Variants in CLASP1 observed in about 807,000 individuals in gnomAD.
The protein encoded by CLASP1 is CLIP-associating protein 1.
CLASP1 carries 38 observed loss-of-function variants against 192.3 expected under a neutral mutation model. The observed-to-expected ratio is 0.20, with a 90% CI of 0.15 to 0.26. CLASP1 has a LOEUF of 0.26. CLASP1 is among the 10% of genes least tolerant of loss of function. CLASP1 has a pLI of 1.00. For synonymous variants in CLASP1, 691 were observed against 712.8 expected, an observed-to-expected ratio of 0.97 and a Z score of 0.49; for missense variants, 1,433 against 1,932.5, an observed-to-expected ratio of 0.74 and a Z score of 4.85.
chr2:121,609,415 T>A (rs995421471), intron 1 of CLASP1, among the ~76,000 whole-genome samples: 4 of 152,208 alleles, frequency 2.6e-5, no homozygotes, highest in African/African-American at 9.6e-5. Context: ...CCCCTAGGCT[T>A]TAAGCAGATT....
chr2:121,490,263 A>T (rs1405167149), intron 8 of CLASP1: 1 of 454,232 alleles, frequency 2.2e-6, no homozygotes, highest in African/African-American at 2.0e-5. Flanking sequence ...AATATATTAG[A>T]ATAGCCTACC....
chr2:121,349,214 T>C (rs1382968424), intron 37 of CLASP1, among the ~76,000 whole-genome samples: 3 of 151,072 alleles, frequency 2.0e-5, no homozygotes, highest in Non-Finnish European at 4.4e-5. Flanking sequence ...CACTCCAGCC[T>C]GGGTGACAGT....
intron 2 of CLASP1, among the ~76,000 whole-genome samples, chr2:121,543,855 A>C (rs1193943685): frequency 1.3e-5 from 2 of 152,210 alleles, no homozygotes; most frequent in Non-Finnish European, 2.9e-5. Context: ...CAGTAAAAAA[A>C]AAGTAGGGGG....
intron 7 of CLASP1, among the ~76,000 whole-genome samples, chr2:121,513,427 ATTTTATTT>A (rs2094198537): frequency 6.6e-6 from 1 of 151,412 alleles, no homozygotes; most frequent in South Asian, 2.1e-4. Flanking sequence ...CGCCTTTTTT[ATTTTATTT>A]TTTTTTTTTA....
chr2:121,632,184 C>T (rs1213785605), intron 1 of CLASP1, among the ~76,000 whole-genome samples: 1 of 152,158 alleles, frequency 6.6e-6, no homozygotes, highest in African/African-American at 2.4e-5. Context: ...GCAGAGGTTG[C>T]AGTGAGCTGA....
At chr2:121,379,260 A>AAAGTTC (rs1574054360) in intron 33 of CLASP1, among the ~76,000 whole-genome samples, 1 of 152,218 alleles carries the variant, frequency 6.6e-6, no homozygotes, top group East Asian at 1.9e-4. Flanking sequence ...TTGAGCATCA[A>AAAGTTC]ACAAAAAGAA....
At chr2:121,522,055 T>G (rs1045258464) in intron 6 of CLASP1, among the ~76,000 whole-genome samples, 2 of 152,120 alleles carry the variant, frequency 1.3e-5, no homozygotes, top group African/African-American at 4.8e-5. Context: ...TTAACTTGGT[T>G]AGTATCGGGG....
chr2:121,562,604 C>A (rs539357870), intron 2 of CLASP1, among the ~76,000 whole-genome samples: 19 of 152,318 alleles, frequency 1.2e-4, no homozygotes, highest in Non-Finnish European at 2.2e-4. Flanking sequence ...TCAGACAAAT[C>A]TCTATTCTAG....
intron 2 of CLASP1, among the ~76,000 whole-genome samples, chr2:121,581,711 C>T (rs2061191077): frequency 6.6e-6 from 1 of 151,968 alleles, no homozygotes; most frequent in Non-Finnish European, 1.5e-5. Context: ...ATGGTGAGAC[C>T]CCATCTCTAA....
At position 121,639,822 on chromosome 2, in the gene CLASP1, C is replaced by G. The variant is rs186223431; in HGVS notation, c.-286+9550G>C. On this transcript the variant is annotated intron_variant, in intron 1 of 39. Transcript: ENST00000263710. ...AGGTTGCAGTAAGCCAAGATTGCACCATGGCACTTCAGCCTGGGCAACAAG... is the reference window on the plus strand; with the variant it reads ...AGGTTGCAGTAAGCCAAGATTGCACGATGGCACTTCAGCCTGGGCAACAAG... Among the ~76,000 whole-genome samples the G allele has an allele frequency of 4.8e-5, 7 of 145,250 alleles. No homozygotes were observed. In the Admixed American group the frequency reaches 4.9e-4, roughly 10 times the overall value.
intron 2 of CLASP1, among the ~76,000 whole-genome samples, chr2:121,578,545 C>T (rs891653202): frequency 6.6e-5 from 10 of 150,848 alleles, no homozygotes; most frequent in African/African-American, 1.9e-4. Flanking sequence ...CTGGCCAACA[C>T]GGTGAAACCC....
chr2:121,515,811 C>CA (rs1559490137), intron 6 of CLASP1, 49 bp from the exon 7 acceptor site: 2 of 1,533,584 alleles, frequency 1.3e-6, no homozygotes. Flanking sequence ...CATCCCCCAG[C>CA]AAGTCCTGCT....
At chr2:121,406,893 C>A (rs10208849) in intron 25 of CLASP1, among the ~76,000 whole-genome samples, 35,925 of 151,886 alleles carry the variant, frequency 0.24, 6,523 homozygotes, top group African/African-American at 0.5. Context: ...GTCCACCCTA[C>A]ATCTTTTATC....
intron 8 of CLASP1, among the ~76,000 whole-genome samples, chr2:121,491,127 A>G (rs2093283063): frequency 1.3e-5 from 2 of 152,250 alleles, no homozygotes. Flanking sequence ...TGATACCTGT[A>G]ATATTTTTCA....
chr2:121,646,020 T>C (rs1338919335), intron 1 of CLASP1, among the ~76,000 whole-genome samples: 1 of 152,240 alleles, frequency 6.6e-6, no homozygotes, highest in East Asian at 1.9e-4. Context: ...AGTTAGTTCA[T>C]TTTTTAAGAT....
intron 19 of CLASP1, among the ~76,000 whole-genome samples, chr2:121,436,966 A>G (rs2082406051): frequency 6.6e-6 from 1 of 151,900 alleles, no homozygotes; most frequent in South Asian, 2.1e-4. Context: ...CATGCAGTTT[A>G]TTTTTATTTT....
chr2:121,514,659 C>T (rs868755185), intron 7 of CLASP1, among the ~76,000 whole-genome samples: 61 of 152,320 alleles, frequency 4.0e-4, no homozygotes, highest in African/African-American at 1.4e-3. Context: ...GAAGCACAGT[C>T]CACTTGTCTG....
At chr2:121,433,902 G>A (rs1329384497) in intron 19 of CLASP1, among the ~76,000 whole-genome samples, 2 of 152,074 alleles carry the variant, frequency 1.3e-5, no homozygotes, top group Non-Finnish European at 1.5e-5. Context: ...TATTCTCTGA[G>A]TTTACGTAAG....
intron 1 of CLASP1, among the ~76,000 whole-genome samples, chr2:121,629,848 A>G (rs2069154130): frequency 7.1e-6 from 1 of 141,810 alleles, no homozygotes; most frequent in South Asian, 2.2e-4. Context: ...TGTTTATAAA[A>G]TAAAAACTTT....
Sources: gnomAD v4.1 joint callset for allele counts (sites outside exome capture counted in the v4.1 genomes callset) on GRCh38, gnomAD v4.1.1 for gene constraint, MANE v1.5 for transcripts, NCBI Gene and HGNC (gene_info 2026-07-23, HGNC 2026-07-21) for gene names.